BTBD9: variants seen among roughly 807,000 people sequenced by gnomAD.
The protein encoded by BTBD9 is BTB/POZ domain-containing protein 9.
In BTBD9, 49 loss-of-function variants were observed where a neutral mutation model predicts 64.3. The ratio of observed to expected loss-of-function variants is 0.76; its 90% CI spans 0.61 to 0.97. The LOEUF (loss-of-function observed/expected upper bound fraction) is 0.97, where lower values mean the gene tolerates loss of function less well. Among genes scored for constraint, BTBD9 ranks in the 50% least tolerant of loss-of-function variants. BTBD9 has a pLI of 0.00. For missense variants in BTBD9, 598 were observed against 762.1 expected (o/e 0.78, Z 2.53); for synonymous variants, 260 against 274.7 (o/e 0.95, Z 0.53).
intron 6 of BTBD9, chr6:38,402,911 T>A (rs1221397402): frequency 1.0e-5 from 7 of 679,874 alleles, no homozygotes; most frequent in Admixed American, 4.5e-5. Flanking sequence ...CCACTAAAAT[T>A]AGAAAAAAAA....
Position 38,416,049 on chromosome 6 carries a change from A to C in BTBD9, c.1155-70956T>G, listed in dbSNP as rs1388549467. On this transcript the variant is annotated intron_variant, in intron 6 of 10. Transcript: ENST00000481247. ...GGCACTATACATTGCTAGAAATGTAAAGAAAGAGAGGAAAATTACACTTAA... is the reference window on the plus strand; with the variant it reads ...GGCACTATACATTGCTAGAAATGTACAGAAAGAGAGGAAAATTACACTTAA... Among the ~76,000 whole-genome samples, 3 of 152,184 alleles carry C rather than the reference A, an allele frequency of 2.0e-5. No homozygotes were observed. The East Asian group carries it at 5.8e-4, about 29-fold the overall frequency.
intron 6 of BTBD9, among the ~76,000 whole-genome samples, chr6:38,521,669 C>T (rs900648783): frequency 3.3e-5 from 5 of 151,924 alleles, no homozygotes; most frequent in African/African-American, 1.2e-4. Context: ...TCATTTCTAC[C>T]TCCTCACTAC....
At chr6:38,599,675 T>C (rs554655461) in intron 1 of BTBD9, among the ~76,000 whole-genome samples, 1 of 152,316 alleles carries the variant, frequency 6.6e-6, no homozygotes, top group South Asian at 2.1e-4. Context: ...GTTGAACAGC[T>C]CTTAATCTTT....
At chr6:38,455,978 T>A (rs577902290) in intron 6 of BTBD9, among the ~76,000 whole-genome samples, 45 of 133,952 alleles carry the variant, frequency 3.4e-4, no homozygotes, top group African/African-American at 1.4e-3. Flanking sequence ...CACCTAGCCC[T>A]TTTTTTTTTC....
At chr6:38,507,797 C>A (rs1399319672) in intron 6 of BTBD9, among the ~76,000 whole-genome samples, 1 of 150,594 alleles carries the variant, frequency 6.6e-6, no homozygotes, top group Non-Finnish European at 1.5e-5. Flanking sequence ...TGTAGAGTTT[C>A]AGTTACTATC....
chr6:38,329,430 C>T (rs181334011), intron 7 of BTBD9, among the ~76,000 whole-genome samples: 319 of 151,178 alleles, frequency 2.1e-3, no homozygotes, highest in Admixed American at 4.3e-3. Context: ...TCAAAAGACT[C>T]TCCCACCTAA....
intron 6 of BTBD9, among the ~76,000 whole-genome samples, chr6:38,478,269 T>C (rs568588045): frequency 6.6e-6 from 1 of 152,230 alleles, no homozygotes; most frequent in African/African-American, 2.4e-5. Flanking sequence ...TGGGCTCTCA[T>C]GAGCTTTGCC....
intron 6 of BTBD9, among the ~76,000 whole-genome samples, chr6:38,443,596 C>T (rs1769139631): frequency 6.6e-6 from 1 of 152,182 alleles, no homozygotes; most frequent in Non-Finnish European, 1.5e-5. Flanking sequence ...GCTGCTCAAG[C>T]CAGAAATCAG....
In BTBD9 at chr6:38,372,035, G is replaced by C. The variant is rs117895914; in HGVS notation, c.1155-26942C>G. 7.2e-5 allele frequency among the ~76,000 whole-genome samples: 11 copies of C among 152,216 alleles called. No homozygotes were observed. The East Asian group carries it at 1.9e-3, about 27-fold the overall frequency. On this transcript the variant is annotated intron_variant, in intron 6 of 10. Coordinates refer to ENST00000481247, the MANE Select transcript of BTBD9 (RefSeq NM_001099272.2). ...ATCACACCTCAGTGTAAAAGAAGTAGGTTCAATTAGATGTCCTCCTCCCAC... is the reference window on the plus strand; with the variant it reads ...ATCACACCTCAGTGTAAAAGAAGTACGTTCAATTAGATGTCCTCCTCCCAC...
chr6:38,309,516 G>A (rs1409131511), intron 7 of BTBD9, among the ~76,000 whole-genome samples: 3 of 151,286 alleles, frequency 2.0e-5, no homozygotes, highest in Admixed American at 6.6e-5. Context: ...TGGTTCAAGC[G>A]ATTCTCCTGC....
At chr6:38,573,023 A>G (rs1421486103) in intron 6 of BTBD9, among the ~76,000 whole-genome samples, 1 of 152,120 alleles carries the variant, frequency 6.6e-6, no homozygotes, top group Admixed American at 6.6e-5. Flanking sequence ...GTATTGATAC[A>G]AAGTTCTCAC....
chr6:38,479,835 C>T (rs868551942), intron 6 of BTBD9, among the ~76,000 whole-genome samples: 7 of 152,256 alleles, frequency 4.6e-5, no homozygotes, highest in Middle Eastern at 3.4e-3. Flanking sequence ...CTCAAGCAAT[C>T]CCGCTGCCTC....
At chr6:38,343,419 C>T (rs972336869) in intron 7 of BTBD9, among the ~76,000 whole-genome samples, 6 of 152,250 alleles carry the variant, frequency 3.9e-5, no homozygotes, top group Non-Finnish European at 8.8e-5. Flanking sequence ...AAATGCAGTG[C>T]TCTGAGCTGA....
chr6:38,265,500 C>G (rs968351778), intron 8 of BTBD9, among the ~76,000 whole-genome samples: 2 of 133,946 alleles, frequency 1.5e-5, no homozygotes, highest in African/African-American at 2.7e-5. Flanking sequence ...AACTACCAAT[C>G]TTTTTTTTTT....
intron 1 of BTBD9, among the ~76,000 whole-genome samples, chr6:38,618,250 T>C (rs1031517459): frequency 1.3e-5 from 2 of 152,218 alleles, no homozygotes; most frequent in African/African-American, 4.8e-5. Context: ...TTTTCTGCAC[T>C]ACGGCCTGGG....
intron 9 of BTBD9, among the ~76,000 whole-genome samples, chr6:38,229,786 A>G (rs549188560): frequency 2.0e-5 from 3 of 152,312 alleles, no homozygotes; most frequent in Admixed American, 1.3e-4. Context: ...TCCCCATTAA[A>G]TTCCATCCTG....
Position 38,265,610 on chromosome 6 carries a change from C to T in BTBD9, c.1455-9094G>A, listed in dbSNP as rs145911181. ...TCTGCTCACTGCAACCTCCACCTCC[C>T]GGGCTCAAGTGATCCTCCCACCTCA... On this transcript the variant is annotated intron_variant, in intron 8 of 10. Coordinates refer to ENST00000481247, the MANE Select transcript of BTBD9 (RefSeq NM_001099272.2). 6.6e-3 allele frequency among the ~76,000 whole-genome samples: 1,009 copies of T among 151,908 alleles called. 10 individuals are homozygous for T. Among genetic ancestry groups the T allele is most frequent in the South Asian group, 0.019 (93 of 4,804 alleles).
chr6:38,311,954 T>C (rs1762853884), intron 7 of BTBD9, among the ~76,000 whole-genome samples: 1 of 152,148 alleles, frequency 6.6e-6, no homozygotes, highest in South Asian at 2.1e-4. Context: ...CTCCACCTCC[T>C]GGGTCCACGC....
At chr6:38,242,799 C>T (rs9296241) in intron 9 of BTBD9, among the ~76,000 whole-genome samples, 1 of 152,298 alleles carries the variant, frequency 6.6e-6, no homozygotes, top group African/African-American at 2.4e-5. Flanking sequence ...GGAAAAGCTG[C>T]TCCTATACTT....
Sources: gnomAD v4.1 joint callset for allele counts (sites outside exome capture counted in the v4.1 genomes callset) on GRCh38, gnomAD v4.1.1 for gene constraint, MANE v1.5 for transcripts, NCBI Gene and HGNC (gene_info 2026-07-23, HGNC 2026-07-21) for gene names.